HDAC6: variants seen among roughly 807,000 people sequenced by gnomAD.
The protein encoded by HDAC6 is histone deacetylase 6, also known as protein deacetylase HDAC6.
Under a neutral mutation model 88.9 loss-of-function variants are expected in HDAC6, and 5 were observed. The ratio of observed to expected loss-of-function variants is 0.06; its 90% CI spans 0.03 to 0.12. The LOEUF (loss-of-function observed/expected upper bound fraction) is 0.12, where lower values mean the gene tolerates loss of function less well. Ranked by LOEUF, HDAC6 falls within the 10% of genes least tolerant of loss-of-function variation. The probability of loss-of-function intolerance (pLI) is 1.00; values close to 1 mark genes in which losing one functional copy is unlikely to be tolerated. For synonymous variants in HDAC6, 378 were observed against 398.0 expected (o/e 0.95, Z 0.60); for missense variants, 706 against 1,014.4 (o/e 0.70, Z 4.13).
chrX:48,817,680 A>C (rs1352446827), intron 20 of HDAC6: 2 of 417,028 alleles, frequency 4.8e-6, no homozygotes, highest in Non-Finnish European at 8.2e-6. Flanking sequence ...CACTTACAAA[A>C]CAGGATCCAG....
At chrX:48,820,367 G>A in intron 23 of HDAC6, 112 bp downstream of exon 23, 3 of 656,038 alleles carry the variant, frequency 4.6e-6, no homozygotes, top group Non-Finnish European at 6.8e-6. Flanking sequence ...GCCTGGGATT[G>A]TTGGCACATA....
intron 22 of HDAC6, chrX:48,819,561 TGA>T: frequency 1.6e-5 from 2 of 123,679 alleles, no homozygotes; most frequent in Non-Finnish European, 3.2e-5. Context: ...TTTTTTTTTT[TGA>T]AATGGAGTCT....
chrX:48,812,489 G>C (rs1343686590), intron 10 of HDAC6, among the ~76,000 whole-genome samples: 1 of 112,565 alleles, frequency 8.9e-6, no homozygotes, highest in Non-Finnish European at 1.9e-5. Flanking sequence ...ACCTGGATCT[G>C]TACTGGATTT....
In HDAC6 at chrX:48,823,712, T is replaced by TAGG; in HGVS notation, c.3233_3235dup (p.Gly1078dup). Reference sequence around the variant, plus strand: ...CAGGCCCCAGGAGAGGAGAACCTACTAGGAGAGGCAGCTGGAGGTCAGGAC... The same window carrying TAGG: ...CAGGCCCCAGGAGAGGAGAACCTACTAGGAGGAGAGGCAGCTGGAGGTCAGGAC... On this transcript the variant is annotated inframe_insertion, in exon 26 of 29. Transcript: ENST00000334136. The TAGG allele has an allele frequency of 1.7e-6, 2 of 1,209,390 alleles. No homozygotes were observed. The highest frequency in any genetic ancestry group is 2.2e-6 in the Non-Finnish European group (2 of 894,190).
At chrX:48,807,458 T>C (rs917270783) in intron 8 of HDAC6, among the ~76,000 whole-genome samples, 2 of 113,315 alleles carry the variant, frequency 1.8e-5, no homozygotes, top group Non-Finnish European at 3.7e-5. Flanking sequence ...GCTAAGTTCC[T>C]GCAGCAGAAT....
chrX:48,822,595 T>G, intron 23 of HDAC6, 25 bp from the exon 24 acceptor site: 1 of 1,123,362 alleles, frequency 8.9e-7, no homozygotes, highest in South Asian at 2.2e-5. Flanking sequence ...CACCATACCT[T>G]TCCCTCCCCT....
chrX:48,809,523 G>A (rs2062866911), intron 10 of HDAC6, among the ~76,000 whole-genome samples: 1 of 111,280 alleles, frequency 9.0e-6, no homozygotes, highest in Non-Finnish European at 1.9e-5. Context: ...AGGATTTTAG[G>A]GCCGGGTGAA....
At chrX:48,817,108 C>T (rs1165083080) in intron 19 of HDAC6, 6 of 320,792 alleles carry the variant, frequency 1.9e-5, no homozygotes, top group Non-Finnish European at 3.2e-5. Context: ...AAAAATTAGC[C>T]GGGCGTGGCA....
intron 22 of HDAC6, among the ~76,000 whole-genome samples, chrX:48,818,987 A>C (rs1302106661): frequency 9.0e-6 from 1 of 111,468 alleles, no homozygotes; most frequent in Admixed American, 9.5e-5. Flanking sequence ...TGGCTTGTGT[A>C]TGGCTGACTC....
Position 48,824,838 on chromosome X carries a change from C to T in HDAC6, c.*226C>T. ...ATTGCCTGCTTGAGGGGCACCACTA[C>T]TCCAGCCCAGAAGGAAAGGGGGGCA... is the stretch of plus-strand genomic sequence containing the variant. On this transcript the variant is annotated 3_prime_UTR_variant, in exon 29 of 29. Transcript: ENST00000334136. 8.9e-7 allele frequency: 1 copy of T among 1,120,728 alleles called. No individual in the cohort carries two copies. The allele number at this position is 1,120,728 out of a possible 1,213,427, so 92.4% of individuals were successfully genotyped here.
In HDAC6 at chrX:48,821,104, C is replaced by T. The variant is rs782014655; in HGVS notation, c.2337+849C>T. On this transcript the variant is annotated intron_variant, in intron 23 of 28. Transcript: ENST00000334136. The stretch of plus-strand genomic sequence containing the variant: ...CCACCCACCTTAGCCTCCCAGAGTG[C>T]TGGAATTACAGGCATGAGCCACCGC... Among the ~76,000 whole-genome samples, 6 of 111,326 alleles carry T rather than the reference C, an allele frequency of 5.4e-5. No individual in the cohort carries two copies. The South Asian group carries it at 2.3e-3, about 42-fold the overall frequency.
rs782790098 is a variant in HDAC6 at position 48,802,705 on chromosome X, G to A, written c.13G>A (p.Gly5Ser). 3.3e-6 allele frequency: 4 copies of A among 1,204,391 alleles called. No homozygotes were observed. In the South Asian group the frequency reaches 5.3e-5, roughly 16 times the overall value. Residue 5 changes from glycine (G) to serine (S), a missense_variant, in exon 2 of 29, where the codon GGC becomes AGC. Physicochemically the swap from Gly to Ser is moderately conservative, Grantham distance 56. Transcript: ENST00000334136. MTST[G>S]QDSTTTRQRR... ...AGCCTCCTCAACTATGACCTCAACC[G>A]GCCAGGATTCCACCACAACCAGGCA...
intron 4 of HDAC6, among the ~76,000 whole-genome samples, chrX:48,804,110 C>T (rs180839207): frequency 5.4e-5 from 6 of 111,100 alleles, no homozygotes; most frequent in Admixed American, 2.9e-4. Flanking sequence ...TGCAGTGAGC[C>T]GAGATTGTGC....
chrX:48,814,365 G>A, intron 10 of HDAC6, 75 bp from the exon 11 acceptor site: 1 of 1,070,812 alleles, frequency 9.3e-7, no homozygotes, highest in Non-Finnish European at 1.3e-6. Flanking sequence ...AGAGGAAACT[G>A]GCAACTGTTG....
At chrX:48,816,742 GGCCATGGGGA>G in intron 19 of HDAC6, 109 bp downstream of exon 19, 1 of 698,960 alleles carries the variant, frequency 1.4e-6, no homozygotes, top group Admixed American at 3.8e-5. Flanking sequence ...TGAGGAAAGG[GGCCATGGGGA>G]GGGGCACGGG....
rs2062746260 is a variant in HDAC6 at position 48,802,679 on chromosome X, A to T, written c.-14A>T. ...CACCCCCAGAACCGCGGCAGGGGCCAAGCCTCCTCAACTATGACCTCAACC... is the reference window on the plus strand; with the variant it reads ...CACCCCCAGAACCGCGGCAGGGGCCTAGCCTCCTCAACTATGACCTCAACC... On this transcript the variant is annotated 5_prime_UTR_variant, in exon 2 of 29. Transcript: ENST00000334136. 2 of 1,199,099 alleles carry T rather than the reference A, an allele frequency of 1.7e-6. No homozygotes were observed. The highest frequency in any genetic ancestry group is 6.1e-5 in the East Asian group (2 of 32,907).
chrX:48,802,759 C>T lies in HDAC6; in HGVS notation c.67C>T (p.Pro23Ser), dbSNP rs1557022820. 2 of 1,208,571 alleles carry T rather than the reference C, an allele frequency of 1.7e-6. No individual in the cohort carries two copies. The highest frequency in any genetic ancestry group is 2.2e-6 in the Non-Finnish European group (2 of 893,859). The stretch of plus-strand genomic sequence containing the variant: ...AAGAAGTAGGCAGAACCCCCAGTCG[C>T]CCCCTCAGGACTCCAGTGTCACTTC... ...QRRSRQNPQS[P>S]PQDSSVTSKR... is the part of the protein sequence containing the mutation. The change falls in exon 2 of 29, where the codon CCC becomes TCC. Residue 23 changes from proline (P) to serine (S), a missense_variant. Physicochemically the swap from Pro to Ser is moderately conservative, Grantham distance 74. Around this residue, in one of 9 missense-constraint regions of HDAC6, gnomAD observed 193 missense variants for 258.2 expected, o/e 0.75. Coordinates refer to ENST00000334136, the MANE Select transcript of HDAC6 (RefSeq NM_006044.4).
intron 19 of HDAC6, 152 bp downstream of exon 19, chrX:48,816,785 G>A (rs1195734043): frequency 1.1e-5 from 5 of 472,727 alleles, no homozygotes; most frequent in Non-Finnish European, 1.7e-5. Context: ...TAGAGGCTGG[G>A]GGAATAATGG....
At chrX:48,806,002 A>C in intron 6 of HDAC6, 1 of 382,010 alleles carries the variant, frequency 2.6e-6, no homozygotes, top group Non-Finnish European at 4.6e-6. Flanking sequence ...TTCCAGATTT[A>C]GAGGCCTAGT....
Sources: allele counts gnomAD v4.1 joint callset (sites outside exome capture counted in the v4.1 genomes callset), GRCh38; gene constraint gnomAD v4.1.1; regional missense constraint gnomAD v4.1.1; transcripts MANE v1.5; gene names NCBI Gene and HGNC (gene_info 2026-07-23, HGNC 2026-07-21).